The following MAPK13 variants were observed in gnomAD, a reference collection of about 807,000 sequenced individuals.
The protein encoded by MAPK13 is MAP kinase 13.
A neutral mutation model predicts 53.5 loss-of-function variants in MAPK13; 39 were observed. The ratio of observed to expected loss-of-function variants is 0.73; its 90% CI spans 0.56 to 0.95. The LOEUF (loss-of-function observed/expected upper bound fraction) is 0.95, where lower values mean the gene tolerates loss of function less well. Among genes scored for constraint, MAPK13 ranks in the 40% least tolerant of loss-of-function variants. MAPK13 has a pLI of 0.00. For synonymous variants in MAPK13, 179 were observed against 190.9 expected (o/e 0.94, Z 0.51); for missense variants, 460 against 471.8 (o/e 0.98, Z 0.23).
rs1312260163 is a variant in MAPK13 at position 36,139,589 on chromosome 6, T to A, written c.*216T>A. The A allele has an allele frequency of 1.1e-5, 6 of 539,236 alleles. No individual in the cohort carries two copies. The highest frequency in any genetic ancestry group is 1.9e-5 in the African/African-American group (1 of 51,888). The allele number at this position is 539,236 out of a possible 1,614,324, so 33.4% of individuals were successfully genotyped here. On this transcript the variant is annotated 3_prime_UTR_variant, in exon 12 of 12. Coordinates refer to ENST00000211287, the MANE Select transcript of MAPK13 (RefSeq NM_002754.5). The stretch of plus-strand genomic sequence containing the variant: ...AACAGGCCACGTTAAACTGCCCATC[T>A]GGAGAATCGCCTGCAGGTGGGGCCC...
intron 7 of MAPK13, 24 bp from the exon 8 acceptor site, chr6:36,136,855 G>A (rs773918033): frequency 5.0e-6 from 8 of 1,613,382 alleles, no homozygotes; most frequent in Admixed American, 3.3e-5. Context: ...GACAGTCCAG[G>A]TGACACTCTC....
At position 36,138,392 on chromosome 6, in the gene MAPK13, A is replaced by G; in HGVS notation, c.710A>G (p.Lys237Arg). 6.2e-7 allele frequency: 1 copy of G among 1,613,926 alleles called. No individual in the cohort carries two copies. The highest frequency in any genetic ancestry group is 1.1e-5 in the South Asian group (1 of 91,056). ...DYLDQLTQILKVTGVPGTEFV... is the reference protein window; with the variant it reads ...DYLDQLTQILRVTGVPGTEFV... ...CTGGACCAGCTGACCCAGATCCTGAAAGTGACCGGGGTGCCTGGCACGGAG... is the reference window on the plus strand; with the variant it reads ...CTGGACCAGCTGACCCAGATCCTGAGAGTGACCGGGGTGCCTGGCACGGAG... The change falls in exon 9 of 12, where the codon AAA becomes AGA. Residue 237 changes from lysine to arginine, a missense_variant. Lys to Arg is a conservative substitution (Grantham distance 26). Coordinates refer to ENST00000211287, the MANE Select transcript of MAPK13 (RefSeq NM_002754.5).
intron 11 of MAPK13, 26 bp from the exon 12 acceptor site, chr6:36,139,268 A>G (rs1322411953): frequency 1.2e-6 from 2 of 1,607,488 alleles, no homozygotes; most frequent in South Asian, 1.1e-5. Flanking sequence ...CTCTTTACGC[A>G]CCTTAAACCA....
In MAPK13 at chr6:36,131,484, G is replaced by A. The variant is rs932505512; in HGVS notation, c.249+84G>A. On this transcript the variant is annotated intron_variant, in intron 2 of 11. Transcript: ENST00000211287. ...CGCAGGCGGGGCCTCCCGGTATGGA[G>A]AGCTCGGGACAGTCTCCTCCCTGCT... 5.7e-6 allele frequency: 8 copies of A among 1,392,854 alleles called. No homozygotes were observed. In the African/African-American group the frequency reaches 1.1e-4, roughly 20 times the overall value. 86.3% of individuals were successfully genotyped at this position (1,392,854 alleles called of 1,614,324 possible). A position where few individuals can be genotyped will look rare whatever the true frequency, so the allele number is the denominator to read the frequency against.
chr6:36,135,696 C>A, intron 3 of MAPK13, 57 bp from the exon 4 acceptor site: 1 of 1,306,650 alleles, frequency 7.7e-7, no homozygotes, highest in South Asian at 1.3e-5. Context: ...CCTCTGAGCT[C>A]TGACCTGGGG....
In MAPK13 at chr6:36,144,234, T is replaced by C. The variant is rs991643789; in HGVS notation, c.*4861T>C. The C allele has an allele frequency of 6.6e-6, 1 of 152,200 alleles. No individual in the cohort carries two copies. Among genetic ancestry groups the C allele is most frequent in the African/African-American group, 2.4e-5 (1 of 41,426 alleles). 9.4% of individuals were successfully genotyped at this position (152,200 alleles called of 1,614,324 possible). On this transcript the variant is annotated 3_prime_UTR_variant, in exon 12 of 12. Transcript: ENST00000211287. Reference sequence around the variant, plus strand: ...TTACAAAGTAAGCTAGTTATATTTATATACAGTTGTCAAAATATTTTTAAA... The same window carrying C: ...TTACAAAGTAAGCTAGTTATATTTACATACAGTTGTCAAAATATTTTTAAA...
intron 3 of MAPK13, among the ~76,000 whole-genome samples, chr6:36,135,134 T>A (rs1199112854): frequency 2.0e-5 from 3 of 152,260 alleles, no homozygotes; most frequent in Non-Finnish European, 1.5e-5. Context: ...ATTGGAGGTA[T>A]GCCCCTGGCC....
In MAPK13 at chr6:36,136,471, G is replaced by T; in HGVS notation, c.448-13G>T. On this transcript the variant is annotated splice_polypyrimidine_tract_variant and intron_variant, in intron 5 of 11. Transcript: ENST00000211287. ...TGCCTCAGCCTAGCATGCATTCTCTGTCCTCCCCCCAGGACCTGAAGCCAG... is the reference window on the plus strand; with the variant it reads ...TGCCTCAGCCTAGCATGCATTCTCTTTCCTCCCCCCAGGACCTGAAGCCAG... 1 of 1,582,124 alleles carries T rather than the reference G, an allele frequency of 6.3e-7. No individual in the cohort carries two copies. The highest frequency in any genetic ancestry group is 1.8e-5 in the Admixed American group (1 of 55,066).
In MAPK13 at chr6:36,139,802, T is replaced by G. The variant is rs1420072888; in HGVS notation, c.*429T>G. ...TCTGGGATGGAGGTGTTGGCAGGGC[T>G]GTGGTCCCTTTGAAGGCTCTGGGGA... On this transcript the variant is annotated 3_prime_UTR_variant, in exon 12 of 12. Coordinates refer to ENST00000211287, the MANE Select transcript of MAPK13 (RefSeq NM_002754.5). The G allele has an allele frequency of 5.9e-6, 1 of 169,340 alleles. No individual in the cohort carries two copies. The highest frequency in any genetic ancestry group is 1.3e-5 in the Non-Finnish European group (1 of 78,430). 10.5% of individuals were successfully genotyped at this position (169,340 alleles called of 1,614,324 possible).
At chr6:36,134,167 T>C (rs944058478) in intron 3 of MAPK13, among the ~76,000 whole-genome samples, 3 of 151,990 alleles carry the variant, frequency 2.0e-5, no homozygotes, top group African/African-American at 7.3e-5. Context: ...AGGAAGCATG[T>C]TGCCAAGATG....
chr6:36,136,498 C>CA lies in MAPK13; in HGVS notation c.464dup (p.Asn155LysfsTer6), dbSNP rs1766419505. On this transcript the variant is annotated frameshift_variant, in exon 6 of 12. Transcript: ENST00000211287. LOFTEE classifies it high-confidence loss of function. ...CCTCCCCCCAGGACCTGAAGCCAGGCAACCTGGCTGTGAATGAGGACTGTG... is the reference window on the plus strand; with the variant it reads ...CCTCCCCCCAGGACCTGAAGCCAGGCAAACCTGGCTGTGAATGAGGACTGTG... 1 of 1,601,138 alleles carries CA rather than the reference C, an allele frequency of 6.2e-7. No homozygotes were observed. Among genetic ancestry groups the CA allele is most frequent in the African/African-American group, 1.3e-5 (1 of 74,628 alleles).
chr6:36,137,841 C>A (rs948330786), intron 8 of MAPK13, among the ~76,000 whole-genome samples: 4 of 150,620 alleles, frequency 2.7e-5, no homozygotes, highest in Non-Finnish European at 5.9e-5. Flanking sequence ...CGCCTGTAAT[C>A]CCAGCTACTC....
In MAPK13 at chr6:36,142,992, A is replaced by T. The variant is rs1766560119; in HGVS notation, c.*3619A>T. Reference sequence around the variant, plus strand: ...ATTCTCCTGCTGTGGGGGGCAGAGGAGCTGGCGGGGCGAGGGAGGGGGAGA... The same window carrying T: ...ATTCTCCTGCTGTGGGGGGCAGAGGTGCTGGCGGGGCGAGGGAGGGGGAGA... On this transcript the variant is annotated 3_prime_UTR_variant, in exon 12 of 12. Transcript: ENST00000211287. The surrounding 1 kb of genome is among the most constrained non-coding windows in gnomAD (Gnocchi z 4.4). The T allele has an allele frequency of 1.5e-5, 2 of 137,246 alleles. No homozygotes were observed. Among genetic ancestry groups the T allele is most frequent in the South Asian group, 4.8e-4 (2 of 4,148 alleles). 8.5% of individuals were successfully genotyped at this position (137,246 alleles called of 1,614,324 possible).
At chr6:36,133,669 ATATG>A (rs1247980893) in intron 3 of MAPK13, among the ~76,000 whole-genome samples, 1 of 152,246 alleles carries the variant, frequency 6.6e-6, no homozygotes, top group African/African-American at 2.4e-5. Flanking sequence ...TTGCAAATAA[ATATG>A]AACCTCAGGA....
At chr6:36,138,588 C>G in intron 9 of MAPK13, 114 bp from the exon 10 acceptor site, 1 of 1,286,048 alleles carries the variant, frequency 7.8e-7, no homozygotes, top group African/African-American at 1.5e-5. Context: ...TTGTCTTAAT[C>G]TCACCGTGGA....
chr6:36,130,710 C>CCTGGGCCG lies in MAPK13; in HGVS notation c.119+15_119+22dup, dbSNP rs1766299514. The CCTGGGCCG allele has an allele frequency of 8.0e-7, 1 of 1,243,996 alleles. No individual in the cohort carries two copies. The highest frequency in any genetic ancestry group is 1.1e-6 in the Non-Finnish European group (1 of 894,054). 77.1% of individuals were successfully genotyped at this position (1,243,996 alleles called of 1,614,324 possible). ...GCCTATGGCTCCGTGTGGTGAGACC[C>CCTGGGCCG]CTGGGCCGCTGGGGGGCGGGGGGCG... On this transcript the variant is annotated intron_variant, in intron 1 of 11. Transcript: ENST00000211287. The surrounding 1 kb of genome is among the most constrained non-coding windows in gnomAD (Gnocchi z 4.5).
At chr6:36,134,052 A>G (rs1393091382) in intron 3 of MAPK13, among the ~76,000 whole-genome samples, 4 of 152,168 alleles carry the variant, frequency 2.6e-5, no homozygotes, top group African/African-American at 9.7e-5. Flanking sequence ...GGGATCCAGG[A>G]GTGTGGACCG....
chr6:36,137,519 AAAAG>A (rs1766441338), intron 8 of MAPK13, among the ~76,000 whole-genome samples: 1 of 151,370 alleles, frequency 6.6e-6, no homozygotes, highest in South Asian at 2.1e-4. Flanking sequence ...TGTCTCAAAA[AAAAG>A]AAAAAGAAAA....
At chr6:36,134,274 C>A (rs1228297770) in intron 3 of MAPK13, among the ~76,000 whole-genome samples, 2 of 152,024 alleles carry the variant, frequency 1.3e-5, no homozygotes, top group Non-Finnish European at 2.9e-5. Flanking sequence ...GAGAGGGCTG[C>A]CAAAATCCAG....
Sources: gnomAD v4.1 joint callset for allele counts (sites outside exome capture counted in the v4.1 genomes callset) on GRCh38, gnomAD v4.1.1 for gene constraint, Gnocchi (gnomAD v3.1) non-coding constraint, MANE v1.5 for transcripts, NCBI Gene and HGNC (gene_info 2026-07-23, HGNC 2026-07-21) for gene names.